The following PIK3C3 variants were observed in gnomAD, a reference collection of about 807,000 sequenced individuals.
PIK3C3 encodes the protein PI3-kinase type 3.
A neutral mutation model predicts 126.1 loss-of-function variants in PIK3C3; 95 were observed. The observed-to-expected ratio is 0.75, with a 90% CI of 0.64 to 0.89. The LOEUF is 0.89. Among genes scored for constraint, PIK3C3 ranks in the 40% least tolerant of loss-of-function variants. PIK3C3 has a pLI of 0.00. For synonymous variants in PIK3C3, 374 were observed against 360.0 expected, an observed-to-expected ratio of 1.04 and a Z score of -0.44; for missense variants, 829 against 1,063.2, an observed-to-expected ratio of 0.78 and a Z score of 3.06.
chr18:42,045,456 A>T lies in PIK3C3; in HGVS notation c.2188+1639A>T, dbSNP rs1984520003. Among the ~76,000 whole-genome samples the T allele has an allele frequency of 3.3e-5, 5 of 152,330 alleles. No individual in the cohort carries two copies. In the South Asian group the frequency reaches 1.0e-3, roughly 32 times the overall value. ...CAACTAGGCTGAACATCCAAGATGG[A>T]TCACTCACATTATTGGCAGATTATA... is the stretch of plus-strand genomic sequence containing the variant. On this transcript the variant is annotated intron_variant, in intron 20 of 24. Transcript: ENST00000262039.
chr18:42,064,752 G>T lies in PIK3C3; in HGVS notation c.2445G>T (p.Leu815=), dbSNP rs775288710. The T allele has an allele frequency of 1.9e-6, 3 of 1,577,582 alleles. No individual in the cohort carries two copies. The highest frequency in any genetic ancestry group is 4.5e-5 in the East Asian group (2 of 44,656). Residue 815 remains leucine, a synonymous_variant, in exon 23 of 25, where the codon CTG becomes CTT. Coordinates refer to ENST00000262039, the MANE Select transcript of PIK3C3 (RefSeq NM_002647.4). ...AFLHLRRYSN[L]ILNLFSLMVD... ...TGCTCTTCTTTAGGTATTCTAATCTGATTTTGAACTTGTTTTCCTTGATGG... is the reference window on the plus strand; with the variant it reads ...TGCTCTTCTTTAGGTATTCTAATCTTATTTTGAACTTGTTTTCCTTGATGG...
intron 11 of PIK3C3, among the ~76,000 whole-genome samples, 167 bp from the exon 12 acceptor site, chr18:42,015,309 T>C (rs1680012984): frequency 6.6e-6 from 1 of 152,158 alleles, no homozygotes. Flanking sequence ...TCTTTGACCA[T>C]GCGCTTTTTC....
At chr18:42,068,878 A>T (rs1421760365) in intron 24 of PIK3C3, among the ~76,000 whole-genome samples, 2 of 144,472 alleles carry the variant, frequency 1.4e-5, no homozygotes, top group African/African-American at 5.1e-5. Flanking sequence ...TGAACCTGGG[A>T]GGCGGAGGTT....
At chr18:41,962,725 C>A (rs1980160039) in intron 3 of PIK3C3, 93 bp downstream of exon 3, 7 of 1,203,406 alleles carry the variant, frequency 5.8e-6, no homozygotes. Context: ...AGTTTATGCT[C>A]AGTCTCCAGT....
Position 42,076,740 on chromosome 18 carries a change from A to C in PIK3C3, c.2650-4383A>C, listed in dbSNP as rs116747102. Reference sequence around the variant, plus strand: ...ATGCCTTGCAGTTTATTTCTCATTCATACAAATTTAATTTTCTTATCTTCT... The same window carrying C: ...ATGCCTTGCAGTTTATTTCTCATTCCTACAAATTTAATTTTCTTATCTTCT... On this transcript the variant is annotated intron_variant, in intron 24 of 24. Coordinates refer to ENST00000262039, the MANE Select transcript of PIK3C3 (RefSeq NM_002647.4). 4.1e-3 allele frequency among the ~76,000 whole-genome samples: 619 copies of C among 152,348 alleles called. 8 individuals are homozygous for C. The highest frequency in any genetic ancestry group is 0.013 in the African/African-American group (520 of 41,580).
intron 11 of PIK3C3, 50 bp downstream of exon 11, chr18:42,013,646 TTTC>T (rs1438022234): frequency 7.4e-7 from 1 of 1,355,686 alleles, no homozygotes; most frequent in East Asian, 2.3e-5. Flanking sequence ...ATTTTTCCCT[TTTC>T]AAATTGTTTT....
rs892882626 is a variant in PIK3C3, at chr18:42,021,597, C to G, written c.1484+892C>G. On this transcript the variant is annotated intron_variant, in intron 13 of 24. Coordinates refer to ENST00000262039, the MANE Select transcript of PIK3C3 (RefSeq NM_002647.4). ...ACTACTTATATCACTTTTTAAACTT[C>G]TTGGCATGAGGCTTTTTACTGTCTA... Among the ~76,000 whole-genome samples, 2 of 152,166 alleles carry G rather than the reference C, an allele frequency of 1.3e-5. 1 individual carries two copies. The highest frequency in any genetic ancestry group is 4.8e-5 in the African/African-American group (2 of 41,452).
chr18:41,957,517 T>A, intron 1 of PIK3C3, 53 bp from the exon 2 acceptor site: 2 of 1,536,346 alleles, frequency 1.3e-6, no homozygotes, highest in Non-Finnish European at 1.8e-6. Context: ...TATGTATATA[T>A]GTACATGCTT....
At chr18:41,959,726 A>C (rs1979982760) in intron 2 of PIK3C3, among the ~76,000 whole-genome samples, 1 of 152,110 alleles carries the variant, frequency 6.6e-6, no homozygotes, top group African/African-American at 2.4e-5. Flanking sequence ...CCCAGGAGGC[A>C]GAGGTTGCAG....
chr18:42,058,593 A>G (rs1985176549), intron 22 of PIK3C3, among the ~76,000 whole-genome samples: 1 of 152,174 alleles, frequency 6.6e-6, no homozygotes, highest in Non-Finnish European at 1.5e-5. Flanking sequence ...ATTGTGGTAA[A>G]TGTTAAATAT....
Position 42,029,317 on chromosome 18 carries a change from C to T in PIK3C3, c.1591-8C>T, listed in dbSNP as rs1251223620. ...AGAACTAATTTTTTCTCACTTTGAA[C>T]CCTTCAGGGTGATAAGTCTGTCAGA... On this transcript the variant is annotated splice_polypyrimidine_tract_variant and splice_region_variant and intron_variant, in intron 14 of 24. Transcript: ENST00000262039. 1 of 1,590,912 alleles carries T rather than the reference C, an allele frequency of 6.3e-7. No homozygotes were observed. Among genetic ancestry groups the T allele is most frequent in the Admixed American group, 1.7e-5 (1 of 59,990 alleles).
chr18:42,015,428 T>C (rs1983027562), intron 11 of PIK3C3, 48 bp from the exon 12 acceptor site: 1 of 1,430,802 alleles, frequency 7.0e-7, no homozygotes, highest in Non-Finnish European at 9.8e-7. Flanking sequence ...CGTTCTCTTA[T>C]GGACAGAGTA....
At chr18:42,059,757 A>ATTAT (rs1985233347) in intron 22 of PIK3C3, 1 of 151,636 alleles carries the variant, frequency 6.6e-6, no homozygotes, top group Admixed American at 6.6e-5. Flanking sequence ...CTGGACCTAA[A>ATTAT]TTATTTGATC....
intron 24 of PIK3C3, among the ~76,000 whole-genome samples, chr18:42,076,125 CAT>C (rs1170833789): frequency 0.057 from 2,711 of 47,522 alleles, 124 homozygotes; most frequent in Non-Finnish European, 0.069. Context: ...TATATATGCG[CAT>C]ATATATATAT....
rs769655369 is a variant in PIK3C3, at chr18:41,993,278, T to C, written c.723T>C (p.Asp241=). The change falls in exon 7 of 25, where the codon GAT becomes GAC. Residue 241 remains aspartate, a synonymous_variant. Transcript: ENST00000262039. ...YGIVYYEKDG[D]ESSPILTSFE... ...ATTGCTCTGTAATCTAGGACGGTGA[T>C]GAATCATCTCCAATTTTAACAAGTT... 2.0e-5 allele frequency: 32 copies of C among 1,605,682 alleles called. No individual in the cohort carries two copies. The highest frequency in any genetic ancestry group is 2.6e-5 in the Non-Finnish European group (31 of 1,173,386).
chr18:42,009,639 G>C (rs1982712625), intron 10 of PIK3C3, among the ~76,000 whole-genome samples: 1 of 147,256 alleles, frequency 6.8e-6, no homozygotes, highest in Non-Finnish European at 1.5e-5. Context: ...TGTACATTAT[G>C]TAATGCTTAC....
chr18:42,061,706 A>G (rs1199668252), intron 22 of PIK3C3, among the ~76,000 whole-genome samples: 1 of 152,214 alleles, frequency 6.6e-6, no homozygotes, highest in African/African-American at 2.4e-5. Flanking sequence ...GGTTAATGAC[A>G]ACAGATGTAA....
rs1983736512 is a variant in PIK3C3, at chr18:42,029,592, G to T, written c.1707+151G>T. The T allele has an allele frequency of 9.9e-6, 5 of 505,448 alleles. No homozygotes were observed. The South Asian group carries it at 1.1e-4, about 11-fold the overall frequency. 31.3% of individuals were successfully genotyped at this position (505,448 alleles called of 1,614,324 possible). A position where few individuals can be genotyped will look rare whatever the true frequency, so the allele number is the denominator to read the frequency against. On this transcript the variant is annotated intron_variant, in intron 15 of 24. Transcript: ENST00000262039. ...ATGTCTCACTCTGTCGCCCAGGTTG[G>T]AGTGCAGTGGCACGATCTCGGCTCA...
chr18:41,966,221 C>T (rs913474121), intron 3 of PIK3C3, among the ~76,000 whole-genome samples: 1 of 141,758 alleles, frequency 7.1e-6, no homozygotes, highest in Admixed American at 7.2e-5. Context: ...CTCTGTCGCC[C>T]TGCTGTGGGG....
Sources: gnomAD v4.1 joint callset for allele counts (sites outside exome capture counted in the v4.1 genomes callset) on GRCh38, gnomAD v4.1.1 for gene constraint, MANE v1.5 for transcripts, NCBI Gene and HGNC (gene_info 2026-07-23, HGNC 2026-07-21) for gene names.